SOX5: variants seen among roughly 807,000 people sequenced by gnomAD.
SOX5 encodes transcription factor SOX-5.
A neutral mutation model predicts 92.0 loss-of-function variants in SOX5; 9 were observed. The ratio of observed to expected loss-of-function variants is 0.10; its 90% CI spans 0.06 to 0.17. The LOEUF (loss-of-function observed/expected upper bound fraction) is 0.17. Ranked by LOEUF, SOX5 falls within the 10% of genes least tolerant of loss-of-function variation. The pLI, the probability that SOX5 is intolerant of heterozygous loss-of-function variation, is 1.00. For synonymous variants in SOX5, 344 were observed against 336.3 expected (o/e 1.02, Z -0.25); for missense variants, 642 against 944.5 (o/e 0.68, Z 4.20).
intron 1 of SOX5, among the ~76,000 whole-genome samples, chr12:24,479,561 A>G (rs746990207): frequency 6.6e-6 from 1 of 152,258 alleles, no homozygotes; most frequent in Non-Finnish European, 1.5e-5. Flanking sequence ...TCTGAAGTCC[A>G]TAAGACAATA....
intron 4 of SOX5, among the ~76,000 whole-genome samples, chr12:23,753,181 T>A (rs1017179795): frequency 1.6e-4 from 24 of 151,816 alleles, no homozygotes; most frequent in African/African-American, 5.8e-4. Context: ...TTTTTGAATA[T>A]TAATAGTAAG....
chr12:23,689,515 T>A (rs1414493318), intron 6 of SOX5, among the ~76,000 whole-genome samples: 1 of 152,168 alleles, frequency 6.6e-6, no homozygotes, highest in African/African-American at 2.4e-5. Flanking sequence ...TAAGTCATTG[T>A]TAATTCTAAT....
At chr12:23,603,246 C>T (rs1323849606) in intron 9 of SOX5, among the ~76,000 whole-genome samples, 1 of 151,698 alleles carries the variant, frequency 6.6e-6, no homozygotes, top group Non-Finnish European at 1.5e-5. Flanking sequence ...CCTGACAGAG[C>T]CACCAGGGTA....
chr12:24,374,709 A>G (rs1957074752), intron 1 of SOX5, among the ~76,000 whole-genome samples: 1 of 152,168 alleles, frequency 6.6e-6, no homozygotes, highest in African/African-American at 2.4e-5. Context: ...CAGGGTAGAG[A>G]CCAGATTAGG....
At chr12:23,734,653 T>C (rs1385660734) in intron 6 of SOX5, 31 bp downstream of exon 6, 1 of 1,490,356 alleles carries the variant, frequency 6.7e-7, no homozygotes, top group South Asian at 1.2e-5. Flanking sequence ...ATTTTTTAAA[T>C]TGTAAGTATA....
chr12:23,648,198 A>G lies in SOX5; in HGVS notation c.932-7301T>C, dbSNP rs908175243. Among the ~76,000 whole-genome samples the G allele has an allele frequency of 6.6e-5, 10 of 152,192 alleles. No individual in the cohort carries two copies. The East Asian group carries it at 1.3e-3, about 21-fold the overall frequency. On this transcript the variant is annotated intron_variant, in intron 7 of 14. Transcript: ENST00000451604. ...TTGAAAAAATTATCAAAATATGACA[A>G]AGAGACATGAAGTGAGCACATGCTG...
intron 9 of SOX5, among the ~76,000 whole-genome samples, chr12:23,587,338 C>T (rs12321828): frequency 0.13 from 19,145 of 151,954 alleles, 1,295 homozygotes; most frequent in Middle Eastern, 0.16. Flanking sequence ...GTTGAAGATA[C>T]TCAAAAATTT....
intron 4 of SOX5, among the ~76,000 whole-genome samples, chr12:24,068,566 G>T (rs1941172684): frequency 6.6e-6 from 1 of 151,474 alleles, no homozygotes; most frequent in Non-Finnish European, 1.5e-5. Context: ...AAATGCCACT[G>T]CCCAGCTGCA....
chr12:24,164,138 T>C (rs531723367), intron 4 of SOX5, among the ~76,000 whole-genome samples: 3 of 152,158 alleles, frequency 2.0e-5, no homozygotes, highest in African/African-American at 7.2e-5. Flanking sequence ...TACCTTTCAC[T>C]CCATTTTCTT....
intron 1 of SOX5, among the ~76,000 whole-genome samples, chr12:24,449,806 A>T (rs559752049): frequency 1.3e-5 from 2 of 152,176 alleles, no homozygotes; most frequent in Non-Finnish European, 2.9e-5. Flanking sequence ...AATCACACTC[A>T]TCCACCAGTC....
intron 4 of SOX5, among the ~76,000 whole-genome samples, chr12:24,006,358 T>A (rs1952162516): frequency 6.6e-6 from 1 of 152,210 alleles, no homozygotes; most frequent in Non-Finnish European, 1.5e-5. Flanking sequence ...GCATTTCTTC[T>A]TGTTGTCCTT....
intron 4 of SOX5, among the ~76,000 whole-genome samples, chr12:24,006,017 T>C (rs1235774909): frequency 6.6e-6 from 1 of 152,208 alleles, no homozygotes; most frequent in African/African-American, 2.4e-5. Context: ...TACCCAATCT[T>C]ATTCATTCGT....
chr12:23,543,612 T>C (rs1942543215), intron 12 of SOX5, among the ~76,000 whole-genome samples: 1 of 152,228 alleles, frequency 6.6e-6, no homozygotes, highest in South Asian at 2.1e-4. Context: ...GTTTTCTCTT[T>C]CTTTCAATGG....
Position 24,421,561 on chromosome 12 carries a change from T to C in SOX5, c.-250-52922A>G, listed in dbSNP as rs1965919173. ...TTTACCTGATCAGTACTCTCTTTGG[T>C]GGTTTTTACTATTAATATCTCTCTT... On this transcript the variant is annotated intron_variant, in intron 1 of 4. Transcript: ENST00000446891. Among the ~76,000 whole-genome samples the C allele has an allele frequency of 6.6e-5, 10 of 152,298 alleles. No individual in the cohort carries two copies. In the South Asian group the frequency reaches 2.1e-3, roughly 32 times the overall value.
chr12:23,602,224 G>A (rs2074598556), intron 9 of SOX5, among the ~76,000 whole-genome samples: 1 of 152,108 alleles, frequency 6.6e-6, no homozygotes, highest in African/African-American at 2.4e-5. Context: ...ACAGGATGTG[G>A]CAGATTTCTG....
intron 3 of SOX5, among the ~76,000 whole-genome samples, chr12:24,247,673 C>T (rs1185661011): frequency 7.6e-4 from 69 of 91,000 alleles, no homozygotes; most frequent in South Asian, 1.3e-3. Flanking sequence ...TTTTTTGAGG[C>T]GGAGTTTTGC....
chr12:24,102,559 G>A (rs930811699), intron 4 of SOX5, among the ~76,000 whole-genome samples: 3 of 152,098 alleles, frequency 2.0e-5, no homozygotes, highest in African/African-American at 4.8e-5. Context: ...ATTTCCATAC[G>A]TCATCTAGAG....
At chr12:24,316,788 C>A (rs551067339) in intron 2 of SOX5, among the ~76,000 whole-genome samples, 13 of 151,982 alleles carry the variant, frequency 8.6e-5, no homozygotes, top group Non-Finnish European at 1.8e-4. Context: ...GTAGGATAGT[C>A]TTTATTTTAT....
intron 8 of SOX5, 106 bp from the exon 9 acceptor site, chr12:23,604,639 A>C: frequency 8.9e-7 from 1 of 1,124,766 alleles, no homozygotes; most frequent in East Asian, 2.5e-5. Context: ...TCCTATGAGC[A>C]TTTTGTTTAG....
Sources: gnomAD v4.1 joint callset for allele counts (sites outside exome capture counted in the v4.1 genomes callset) on GRCh38, gnomAD v4.1.1 for gene constraint, MANE v1.5 for transcripts, NCBI Gene and HGNC (gene_info 2026-07-23, HGNC 2026-07-21) for gene names.